TLE1: variants seen among roughly 807,000 people sequenced by gnomAD.
TLE1 encodes the protein TLE family member 1, transcriptional corepressor, also known as transducin-like enhancer protein 1.
In TLE1, 21 loss-of-function variants were observed where a neutral mutation model predicts 89.8. That is an observed-to-expected ratio of 0.23 (90% CI 0.17 to 0.34). The LOEUF is 0.34. Among genes scored for constraint, TLE1 ranks in the 10% least tolerant of loss-of-function variants. The pLI is 1.00. For missense variants in TLE1, 795 were observed against 1,031.2 expected, an observed-to-expected ratio of 0.77 and a Z score of 3.14; for synonymous variants, 447 against 407.6, an observed-to-expected ratio of 1.10 and a Z score of -1.16.
At chr9:81,665,593 G>T (rs749068039) in intron 4 of TLE1, among the ~76,000 whole-genome samples, 1 of 152,124 alleles carries the variant, frequency 6.6e-6, no homozygotes, top group East Asian at 1.9e-4. Context: ...CTAGCTCCTC[G>T]TGAGGCAGAT....
intron 8 of TLE1, among the ~76,000 whole-genome samples, chr9:81,629,784 A>C (rs1826343828): frequency 6.6e-6 from 1 of 152,212 alleles, no homozygotes; most frequent in African/African-American, 2.4e-5. Flanking sequence ...AAACACACCT[A>C]AACATAGAAA....
chr9:81,622,872 C>A (rs960204196), intron 8 of TLE1, among the ~76,000 whole-genome samples: 1 of 152,112 alleles, frequency 6.6e-6, no homozygotes, highest in African/African-American at 2.4e-5. Context: ...ACACTCAGAC[C>A]CAGGGATCCC....
At chr9:81,644,169 G>C (rs1387550677) in intron 6 of TLE1, among the ~76,000 whole-genome samples, 1 of 152,170 alleles carries the variant, frequency 6.6e-6, no homozygotes, top group African/African-American at 2.4e-5. Flanking sequence ...AGCCGCTTTG[G>C]AAAACAGTCT....
At chr9:81,681,972 G>A (rs1833687586) in intron 4 of TLE1, among the ~76,000 whole-genome samples, 1 of 152,104 alleles carries the variant, frequency 6.6e-6, no homozygotes, top group Non-Finnish European at 1.5e-5. Flanking sequence ...CAGGCCGGGT[G>A]TGGTAGCTCA....
At chr9:81,613,900 T>C (rs1430295734) in intron 11 of TLE1, among the ~76,000 whole-genome samples, 1 of 143,426 alleles carries the variant, frequency 7.0e-6, no homozygotes, top group Non-Finnish European at 1.5e-5. Flanking sequence ...AGACCCCTTT[T>C]CTTTTCTTTT....
intron 12 of TLE1, chr9:81,612,404 G>A (rs1040448480): frequency 2.3e-5 from 22 of 975,374 alleles, no homozygotes; most frequent in African/African-American, 5.2e-5. Context: ...CTGGATTTAC[G>A]TAAACCAAAG....
chr9:81,631,298 A>T (rs1826569675), intron 8 of TLE1, among the ~76,000 whole-genome samples: 1 of 152,240 alleles, frequency 6.6e-6, no homozygotes, highest in Non-Finnish European at 1.5e-5. Context: ...AAATACCAAC[A>T]GGAGGTTATC....
intron 14 of TLE1, among the ~76,000 whole-genome samples, chr9:81,599,255 G>A (rs149790984): frequency 1.7e-3 from 264 of 152,208 alleles, no homozygotes; most frequent in South Asian, 5.2e-3. Flanking sequence ...CCATAACCAC[G>A]GCTAGTAAGC....
chr9:81,648,076 A>G (rs189065112), intron 6 of TLE1, among the ~76,000 whole-genome samples: 17 of 152,204 alleles, frequency 1.1e-4, no homozygotes, highest in African/African-American at 3.9e-4. Flanking sequence ...GTTCAAGACC[A>G]GCCTGGCCAA....
intron 2 of TLE1, among the ~76,000 whole-genome samples, chr9:81,686,511 C>T (rs1322338071): frequency 6.6e-6 from 1 of 152,092 alleles, no homozygotes. Context: ...ATGAGAAAGC[C>T]CCTGACAAAG....
At chr9:81,646,310 A>G (rs7853593) in intron 6 of TLE1, among the ~76,000 whole-genome samples, 136,992 of 152,174 alleles carry the variant, frequency 0.9, 61,683 homozygotes, top group South Asian at 0.92. Context: ...GGAGAAACGG[A>G]CTGCGAAGAC....
intron 8 of TLE1, among the ~76,000 whole-genome samples, chr9:81,630,118 T>C (rs1325117348): frequency 6.6e-6 from 1 of 151,288 alleles, no homozygotes; most frequent in Non-Finnish European, 1.5e-5. Flanking sequence ...ATGTTCAATA[T>C]AGAAAGACAA....
intron 18 of TLE1, 70 bp from the exon 19 acceptor site, chr9:81,584,594 C>A (rs982932005): frequency 6.4e-6 from 9 of 1,397,506 alleles, no homozygotes; most frequent in African/African-American, 4.3e-5. Flanking sequence ...GCAACTTGGA[C>A]TTAATCAAAC....
intron 4 of TLE1, among the ~76,000 whole-genome samples, chr9:81,658,810 T>C (rs1830437862): frequency 6.6e-6 from 1 of 152,240 alleles, no homozygotes; most frequent in Non-Finnish European, 1.5e-5. Context: ...CTTAGTATTA[T>C]CTCTTGCTTC....
intron 4 of TLE1, among the ~76,000 whole-genome samples, chr9:81,677,131 G>A (rs575832725): frequency 5.3e-5 from 8 of 152,190 alleles, no homozygotes; most frequent in Non-Finnish European, 1.0e-4. Context: ...CCAGCTACTC[G>A]TGGGACTGAG....
At chr9:81,628,342 A>G (rs12057062) in intron 8 of TLE1, among the ~76,000 whole-genome samples, 33,818 of 152,120 alleles carry the variant, frequency 0.22, 4,622 homozygotes, top group Non-Finnish European at 0.3. Context: ...GAATTCCACT[A>G]AAGTCTGCCT....
intron 8 of TLE1, among the ~76,000 whole-genome samples, chr9:81,630,240 G>C (rs891507239): frequency 6.6e-6 from 1 of 151,952 alleles, no homozygotes; most frequent in South Asian, 2.1e-4. Flanking sequence ...AAATCTATGA[G>C]GGCAGATTCT....
chr9:81,611,626 A>AT, intron 13 of TLE1, 143 bp downstream of exon 13: 1 of 751,840 alleles, frequency 1.3e-6, no homozygotes, highest in Non-Finnish European at 1.9e-6. Context: ...TGGCTGGGAG[A>AT]CTGGGCGTCT....
chr9:81,659,150 C>T (rs909550106), intron 4 of TLE1, among the ~76,000 whole-genome samples: 5 of 152,176 alleles, frequency 3.3e-5, no homozygotes, highest in Non-Finnish European at 7.4e-5. Context: ...CCTCGTGATC[C>T]GCCCACCTCA....
Sources: gnomAD v4.1 joint callset for allele counts (sites outside exome capture counted in the v4.1 genomes callset) on GRCh38, gnomAD v4.1.1 for gene constraint, MANE v1.5 for transcripts, NCBI Gene and HGNC (gene_info 2026-07-23, HGNC 2026-07-21) for gene names.